Variants in YWHAE observed in about 807,000 individuals in gnomAD.
The protein encoded by YWHAE is 14-3-3 protein epsilon.
YWHAE carries 4 observed loss-of-function variants against 30.1 expected under a neutral mutation model. The ratio of observed to expected loss-of-function variants is 0.13; its 90% CI spans 0.07 to 0.30. The LOEUF (loss-of-function observed/expected upper bound fraction) is 0.30. Ranked by LOEUF, YWHAE falls within the 10% of genes least tolerant of loss-of-function variation. YWHAE has a pLI of 1.00. For synonymous variants in YWHAE, 118 were observed against 111.8 expected (o/e 1.06, Z -0.35); for missense variants, 121 against 315.9 (o/e 0.38, Z 4.68).
chr17:1,366,454 C>G (rs2072942978), intron 1 of YWHAE, among the ~76,000 whole-genome samples: 1 of 151,978 alleles, frequency 6.6e-6, no homozygotes, highest in Non-Finnish European at 1.5e-5. Context: ...AGCAGAATTG[C>G]TTGAACCCAG....
intron 1 of YWHAE, among the ~76,000 whole-genome samples, chr17:1,397,910 TAAC>T (rs772713889): frequency 2.0e-5 from 3 of 152,050 alleles, no homozygotes; most frequent in Non-Finnish European, 4.4e-5. Flanking sequence ...CACCTAACAT[TAAC>T]AACTGTAATA....
At chr17:1,392,576 G>A (rs1389587014) in intron 1 of YWHAE, among the ~76,000 whole-genome samples, 2 of 152,064 alleles carry the variant, frequency 1.3e-5, no homozygotes, top group Non-Finnish European at 2.9e-5. Flanking sequence ...CTGGCCGGGT[G>A]CGGTGGCTCA....
intron 5 of YWHAE, chr17:1,352,404 A>C (rs1343937704): frequency 1.3e-5 from 2 of 152,198 alleles, no homozygotes; most frequent in Middle Eastern, 3.2e-3. Flanking sequence ...CCACTTTCAG[A>C]AGCATTTTCA....
At chr17:1,355,148 A>ATTTTTTTT (rs1271496520) in intron 4 of YWHAE, among the ~76,000 whole-genome samples, 11 of 76,834 alleles carry the variant, frequency 1.4e-4, no homozygotes, top group African/African-American at 4.4e-4. Context: ...AAAAAAAAAA[A>ATTTTTTTT]TTTTTTTTTT....
intron 4 of YWHAE, 99 bp downstream of exon 4, chr17:1,360,993 C>G: frequency 9.0e-7 from 1 of 1,105,580 alleles, no homozygotes; most frequent in South Asian, 1.4e-5. Flanking sequence ...ACTATGCAGC[C>G]AAGTCTACAA....
At position 1,394,049 on chromosome 17, in the gene YWHAE, C is replaced by T. The variant is rs573392539; in HGVS notation, c.64+5998G>A. Reference sequence around the variant, plus strand: ...AAGCATACGCTACTCACCCCCTACTCCCCTGAAAGGCACCACCTTACTTCA... The same window carrying T: ...AAGCATACGCTACTCACCCCCTACTTCCCTGAAAGGCACCACCTTACTTCA... On this transcript the variant is annotated intron_variant, in intron 1 of 5. Transcript: ENST00000264335. Among the ~76,000 whole-genome samples, 8 of 152,274 alleles carry T rather than the reference C, an allele frequency of 5.3e-5. No homozygotes were observed. The East Asian group carries it at 1.2e-3, about 22-fold the overall frequency.
chr17:1,373,183 C>T (rs896664471), intron 1 of YWHAE, among the ~76,000 whole-genome samples: 12 of 150,596 alleles, frequency 8.0e-5, no homozygotes, highest in South Asian at 6.3e-4. Context: ...GCGGAACTTG[C>T]GGTGAGCCAA....
chr17:1,368,490 G>A (rs915095298), intron 1 of YWHAE, among the ~76,000 whole-genome samples: 4 of 151,612 alleles, frequency 2.6e-5, no homozygotes, highest in African/African-American at 4.8e-5. Context: ...CTTGAACCCC[G>A]GAGACAGGGG....
intron 1 of YWHAE, among the ~76,000 whole-genome samples, chr17:1,376,384 GAAAA>G (rs1478599892): frequency 4.0e-5 from 3 of 74,744 alleles, no homozygotes; most frequent in Non-Finnish European, 8.8e-5. Flanking sequence ...CAGAAAGAAA[GAAAA>G]AGAAAGAGAG....
rs112933389 is a variant in YWHAE at position 1,374,319 on chromosome 17, G to GA, written c.65-9262dup. Among the ~76,000 whole-genome samples, 1,288 of 145,764 alleles carry GA rather than the reference G, an allele frequency of 8.8e-3. 10 individuals are homozygous for GA. Among genetic ancestry groups the GA allele is most frequent in the Non-Finnish European group, 0.013 (855 of 66,362 alleles). Reference sequence around the variant, plus strand: ...GCAACAGAGCGAGACTTGGTCTCAGGAAAAAAAAAAAAAAATCCATTCGTT... The same window carrying GA: ...GCAACAGAGCGAGACTTGGTCTCAGGAAAAAAAAAAAAAAAATCCATTCGTT... On this transcript the variant is annotated intron_variant, in intron 1 of 5. Transcript: ENST00000264335.
intron 1 of YWHAE, among the ~76,000 whole-genome samples, chr17:1,369,143 C>T (rs919505255): frequency 6.6e-6 from 1 of 152,124 alleles, no homozygotes; most frequent in African/African-American, 2.4e-5. Flanking sequence ...ATAGAAGCAA[C>T]AATTATCCCT....
At chr17:1,394,010 A>G (rs2073427054) in intron 1 of YWHAE, among the ~76,000 whole-genome samples, 1 of 152,208 alleles carries the variant, frequency 6.6e-6, no homozygotes, top group South Asian at 2.1e-4. Flanking sequence ...TAGAATTGTT[A>G]AAGAACAAGC....
intron 1 of YWHAE, among the ~76,000 whole-genome samples, chr17:1,394,539 G>A (rs919016511): frequency 2.0e-5 from 3 of 151,354 alleles, no homozygotes; most frequent in Non-Finnish European, 2.9e-5. Flanking sequence ...TCAGGAGGTC[G>A]AGCCTGCAGT....
At chr17:1,357,600 A>C (rs1285317225) in intron 4 of YWHAE, among the ~76,000 whole-genome samples, 1 of 151,760 alleles carries the variant, frequency 6.6e-6, no homozygotes, top group African/African-American at 2.4e-5. Flanking sequence ...AAAAGCAAAA[A>C]AACCATTTTG....
chr17:1,361,549 A>T, intron 3 of YWHAE: 1 of 455,314 alleles, frequency 2.2e-6, no homozygotes, highest in Non-Finnish European at 3.8e-6. Context: ...CTAAAAATTA[A>T]TAAAATTATC....
intron 5 of YWHAE, among the ~76,000 whole-genome samples, chr17:1,350,981 C>A (rs910286310): frequency 6.6e-6 from 1 of 151,778 alleles, no homozygotes; most frequent in Non-Finnish European, 1.5e-5. Context: ...ATCCTTTGAA[C>A]CCAGGAGGCA....
At chr17:1,356,740 CCT>C (rs1170605275) in intron 4 of YWHAE, among the ~76,000 whole-genome samples, 1 of 150,054 alleles carries the variant, frequency 6.7e-6, no homozygotes, top group African/African-American at 2.5e-5. Flanking sequence ...AGGTGGATCA[CCT>C]GAGGTCAGGA....
intron 1 of YWHAE, among the ~76,000 whole-genome samples, chr17:1,391,697 C>T (rs993260870): frequency 2.6e-5 from 4 of 152,128 alleles, no homozygotes; most frequent in Non-Finnish European, 4.4e-5. Context: ...ATCAAGCTGG[C>T]CGGGCGCAGT....
chr17:1,394,866 C>G (rs2073444944), intron 1 of YWHAE, among the ~76,000 whole-genome samples: 1 of 151,928 alleles, frequency 6.6e-6, no homozygotes, highest in Admixed American at 6.6e-5. Context: ...ACTCGGGAAG[C>G]AGAGGCAGGA....
Sources: allele counts gnomAD v4.1 joint callset (sites outside exome capture counted in the v4.1 genomes callset), GRCh38; gene constraint gnomAD v4.1.1; transcripts MANE v1.5; gene names NCBI Gene and HGNC (gene_info 2026-07-23, HGNC 2026-07-21).